Variants in HFM1 observed in about 807,000 individuals in gnomAD.
HFM1 encodes the protein probable ATP-dependent DNA helicase HFM1.
Under a neutral mutation model 192.1 loss-of-function variants are expected in HFM1, and 169 were observed. The ratio of observed to expected loss-of-function variants is 0.88; its 90% CI spans 0.78 to 1.00. The LOEUF (loss-of-function observed/expected upper bound fraction) is 1.00. Among genes scored for constraint, HFM1 ranks in the 50% least tolerant of loss-of-function variants. HFM1 has a pLI of 0.00. For synonymous variants in HFM1, 525 were observed against 537.8 expected, an observed-to-expected ratio of 0.98 and a Z score of 0.33; for missense variants, 1,661 against 1,668.0, an observed-to-expected ratio of 1.00 and a Z score of 0.07.
At chr1:91,271,521 TA>T (rs979967487) in intron 34 of HFM1, among the ~76,000 whole-genome samples, 13 of 152,074 alleles carry the variant, frequency 8.5e-5, no homozygotes, top group African/African-American at 3.1e-4. Context: ...ATTTATATGC[TA>T]AAGGGAAAGA....
At position 91,276,680 on chromosome 1, in the gene HFM1, T is replaced by C; in HGVS notation, c.3536A>G (p.Asp1179Gly). 6.4e-7 allele frequency: 1 copy of C among 1,573,134 alleles called. No homozygotes were observed. Among genetic ancestry groups the C allele is most frequent in the East Asian group, 2.3e-5 (1 of 43,366 alleles). ...KESTISSYLS[D>G]LRNRNAVSSV... Reference sequence around the variant, plus strand: ...TGAAACAGCATTCCTGTTTCTTAAATCAGATAAATATGAAGAAATTGTTGA... The same window carrying C: ...TGAAACAGCATTCCTGTTTCTTAAACCAGATAAATATGAAGAAATTGTTGA... Residue 1179 changes from aspartate (D) to glycine (G), a missense_variant, in exon 32 of 39, where the codon GAT becomes GGT. Coordinates refer to ENST00000370425, the MANE Select transcript of HFM1 (RefSeq NM_001017975.6).
chr1:91,262,678 G>A, intron 36 of HFM1, 86 bp from the exon 37 acceptor site: 1 of 790,688 alleles, frequency 1.3e-6, no homozygotes, highest in Non-Finnish European at 2.1e-6. Context: ...TGGGGAATAT[G>A]ATCAAAGTTT....
upstream of HFM1, among the ~76,000 whole-genome samples, chr1:91,408,003 G>T (rs1200014158): frequency 6.6e-6 from 1 of 152,174 alleles, no homozygotes; most frequent in Non-Finnish European, 1.5e-5. Flanking sequence ...GTGGTGGTGT[G>T]TGCCTGTAGT....
chr1:91,348,233 A>G (rs1206546303), intron 18 of HFM1, among the ~76,000 whole-genome samples: 2 of 152,204 alleles, frequency 1.3e-5, no homozygotes, highest in Non-Finnish European at 2.9e-5. Flanking sequence ...CAGAAAATAA[A>G]GTAACTATGA....
chr1:91,338,874 C>T (rs892807439), intron 20 of HFM1: 2 of 455,090 alleles, frequency 4.4e-6, no homozygotes, highest in Admixed American at 4.7e-5. Context: ...GAGTGCGTAA[C>T]CTTCTGCCAC....
At chr1:91,305,779 GCTTGT>G (rs1431130954) in intron 30 of HFM1, among the ~76,000 whole-genome samples, 2 of 151,870 alleles carry the variant, frequency 1.3e-5, no homozygotes, top group Non-Finnish European at 2.9e-5. Context: ...TGTTGCCCAG[GCTTGT>G]CTTGAACTCC....
At position 91,355,856 on chromosome 1, in the gene HFM1, A is replaced by T. The variant is rs944283080; in HGVS notation, c.1686-2557T>A. 4.6e-5 allele frequency among the ~76,000 whole-genome samples: 7 copies of T among 152,220 alleles called. No individual in the cohort carries two copies. The East Asian group carries it at 1.3e-3, about 29-fold the overall frequency. On this transcript the variant is annotated intron_variant, in intron 13 of 38. Transcript: ENST00000370425. Reference sequence around the variant, plus strand: ...AATACTGGACTTGAATTGTACTTTGAGTCAAATGGACCTAACAGACAAATA... The same window carrying T: ...AATACTGGACTTGAATTGTACTTTGTGTCAAATGGACCTAACAGACAAATA...
At chr1:91,265,708 T>A (rs1354697391) in intron 36 of HFM1, among the ~76,000 whole-genome samples, 2 of 152,200 alleles carry the variant, frequency 1.3e-5, no homozygotes, top group Admixed American at 1.3e-4. Flanking sequence ...GTTCTAGTTG[T>A]CAAACTCCTA....
Position 91,401,199 on chromosome 1 carries a change from G to A in HFM1, c.-27-90C>T. 3 of 628,950 alleles carry A rather than the reference G, an allele frequency of 4.8e-6. No homozygotes were observed. In the South Asian group the frequency reaches 6.1e-5, roughly 13 times the overall value. 39.0% of individuals were successfully genotyped at this position (628,950 alleles called of 1,614,324 possible). A position where few individuals can be genotyped will look rare whatever the true frequency, so the allele number is the denominator to read the frequency against. ...AATCACTAATTTTCCACAGTCTCCT[G>A]TAAAATATAACCACAGACTATCCTT... On this transcript the variant is annotated intron_variant, in intron 1 of 38. Coordinates refer to ENST00000370425, the MANE Select transcript of HFM1 (RefSeq NM_001017975.6).
At chr1:91,281,703 C>A (rs1474709455) in intron 30 of HFM1, among the ~76,000 whole-genome samples, 1 of 152,156 alleles carries the variant, frequency 6.6e-6, no homozygotes, top group Admixed American at 6.5e-5. Context: ...GGTTGAAAAT[C>A]ATTTTTCCCT....
Position 91,394,455 on chromosome 1 carries a change from T to A in HFM1, c.185-53A>T, listed in dbSNP as rs929771854. On this transcript the variant is annotated intron_variant, in intron 3 of 38. Coordinates refer to ENST00000370425, the MANE Select transcript of HFM1 (RefSeq NM_001017975.6). ...ACATGTTCTCCATTAAAGGAAATTT[T>A]CAAAATGATGATGAAAAACTTTAAT... The A allele has an allele frequency of 1.1e-5, 12 of 1,072,768 alleles. No homozygotes were observed. In the South Asian group the frequency reaches 2.0e-4, roughly 18 times the overall value. The allele number at this position is 1,072,768 out of a possible 1,614,324, so 66.5% of individuals were successfully genotyped here. A position where few individuals can be genotyped will look rare whatever the true frequency, so the allele number is the denominator to read the frequency against.
Position 91,335,991 on chromosome 1 carries a change from T to C in HFM1, c.2335+7439A>G, listed in dbSNP as rs78267722. ...CTCTCTCCCTCTCTCCTTCCCTCCTTGTAAGCTAAGATCCTCCAAGGGCTT... is the reference window on the plus strand; with the variant it reads ...CTCTCTCCCTCTCTCCTTCCCTCCTCGTAAGCTAAGATCCTCCAAGGGCTT... On this transcript the variant is annotated intron_variant, in intron 20 of 38. Transcript: ENST00000370425. Among the ~76,000 whole-genome samples the C allele has an allele frequency of 2.1e-3, 325 of 151,408 alleles. 1 individual carries two copies. Among genetic ancestry groups the C allele is most frequent in the African/African-American group, 7.4e-3 (307 of 41,286 alleles).
intron 38 of HFM1, chr1:91,261,615 G>C: frequency 4.2e-6 from 1 of 236,728 alleles, no homozygotes; most frequent in Non-Finnish European, 8.1e-6. Context: ...ATTTAATAAA[G>C]GTGTGAATGG....
chr1:91,291,430 G>T (rs894366016), intron 30 of HFM1, among the ~76,000 whole-genome samples: 65 of 152,078 alleles, frequency 4.3e-4, no homozygotes, highest in Non-Finnish European at 8.5e-4. Context: ...ACACCTCTAC[G>T]CAAATAAACT....
intron 30 of HFM1, among the ~76,000 whole-genome samples, chr1:91,296,332 T>C (rs1647562222): frequency 6.6e-6 from 1 of 152,222 alleles, no homozygotes; most frequent in African/African-American, 2.4e-5. Context: ...AATGACTGTA[T>C]TATTTGTAGG....
intron 30 of HFM1, among the ~76,000 whole-genome samples, chr1:91,306,498 T>A (rs1396627566): frequency 6.6e-6 from 1 of 152,200 alleles, no homozygotes; most frequent in African/African-American, 2.4e-5. Flanking sequence ...TGAATTATAT[T>A]GATCTACTTT....
intron 13 of HFM1, among the ~76,000 whole-genome samples, chr1:91,354,741 C>T (rs969793134): frequency 1.3e-5 from 2 of 152,008 alleles, no homozygotes. Flanking sequence ...CTATACAAAG[C>T]AAAGCTGTTC....
At chr1:91,329,065 T>C in intron 20 of HFM1, 2 of 1,610,494 alleles carry the variant, frequency 1.2e-6, no homozygotes, top group East Asian at 2.2e-5. Context: ...TGCATCCTGC[T>C]AGGCAGTGAC....
chr1:91,350,649 G>T, intron 18 of HFM1, 89 bp downstream of exon 18: 1 of 1,207,084 alleles, frequency 8.3e-7, no homozygotes, highest in South Asian at 1.4e-5. Flanking sequence ...ATTAGTTTCT[G>T]TAATCTATCT....
Sources: allele counts gnomAD v4.1 joint callset (sites outside exome capture counted in the v4.1 genomes callset), GRCh38; gene constraint gnomAD v4.1.1; transcripts MANE v1.5; gene names NCBI Gene and HGNC (gene_info 2026-07-23, HGNC 2026-07-21).